The following GAL3ST1 variants were observed in gnomAD, a reference collection of about 807,000 sequenced individuals.
The protein encoded by GAL3ST1 is galactose-3-O-sulfotransferase 1, also known as galactosylceramide sulfotransferase.
Under a neutral mutation model 25.0 loss-of-function variants are expected in GAL3ST1, and 13 were observed. The ratio of observed to expected loss-of-function variants is 0.52; its 90% CI spans 0.34 to 0.83. The LOEUF (loss-of-function observed/expected upper bound fraction) is 0.83. Among genes scored for constraint, GAL3ST1 ranks in the 40% least tolerant of loss-of-function variants. GAL3ST1 has a pLI of 0.02. For synonymous variants in GAL3ST1, 274 were observed against 277.8 expected (o/e 0.99, Z 0.14); for missense variants, 474 against 613.6 (o/e 0.77, Z 2.40).
chr22:30,566,652 T>C (rs1156867474), intron 1 of GAL3ST1, among the ~76,000 whole-genome samples: 2 of 151,896 alleles, frequency 1.3e-5, no homozygotes, highest in Admixed American at 6.6e-5. Flanking sequence ...CTCTGTCGCC[T>C]AGGCTGGAGT....
At chr22:30,566,460 G>A (rs1385096513) in intron 1 of GAL3ST1, among the ~76,000 whole-genome samples, 1 of 152,218 alleles carries the variant, frequency 6.6e-6, no homozygotes, top group African/African-American at 2.4e-5. Flanking sequence ...TGAGAGTGAA[G>A]TGCAGGCTTT....
chr22:30,565,996 A>G (rs73394283), intron 1 of GAL3ST1: 5,882 of 152,332 alleles, frequency 0.039, 166 homozygotes, highest in Admixed American at 0.065. Context: ...GCACTTTCAT[A>G]GGCTAAGCAG....
intron 1 of GAL3ST1, among the ~76,000 whole-genome samples, chr22:30,567,561 G>C (rs2086661101): frequency 6.6e-6 from 1 of 152,142 alleles, no homozygotes; most frequent in Admixed American, 6.5e-5. Flanking sequence ...TTACAGGTGT[G>C]AGCCATGGAG....
chr22:30,574,647 CAGGTG>C lies in GAL3ST1; in HGVS notation c.-306_-302del. ...CTCCCGCGCCGCGCCCGCTCCCGGC[CAGGTG>C]CCGCCGCCAGCCTGGCCCAGCCTCC... On this transcript the variant is annotated 5_prime_UTR_variant, in exon 1 of 4. Transcript: ENST00000406361. The C allele has an allele frequency of 2.0e-5, 3 of 147,342 alleles. No individual in the cohort carries two copies. The highest frequency in any genetic ancestry group is 7.4e-5 in the African/African-American group (3 of 40,686). The allele number at this position is 147,342 out of a possible 1,614,324, so 9.1% of individuals were successfully genotyped here.
Position 30,556,068 on chromosome 22 carries a change from A to G in GAL3ST1, c.157T>C (p.Ser53Pro). Residue 53 changes from serine to proline, a missense_variant, in exon 4 of 4, where the codon TCT becomes CCT. Coordinates refer to ENST00000406361, the MANE Select transcript of GAL3ST1 (RefSeq NM_001318104.2). ...GCCTCTGGCTCGAGTGCAGGTGGAG[A>G]GCAGGACGCTGCGGCCTCCGGGGTC... The part of the protein sequence containing the change: ...STTPEAAASC[S>P]PPALEPEAVI... The G allele has an allele frequency of 6.2e-7, 1 of 1,609,156 alleles. No individual in the cohort carries two copies. The highest frequency in any genetic ancestry group is 1.1e-5 in the South Asian group (1 of 90,990).
intron 1 of GAL3ST1, among the ~76,000 whole-genome samples, chr22:30,559,252 A>AT (rs932677390): frequency 4.6e-5 from 7 of 151,520 alleles, no homozygotes; most frequent in African/African-American, 9.7e-5. Flanking sequence ...TGTTTATTTT[A>AT]TTTTTTTGAG....
rs2085935012 is a variant in GAL3ST1 at position 30,555,311 on chromosome 22, G to A, written c.914C>T (p.Ser305Phe). Residue 305 changes from serine (S) to phenylalanine (F), a missense_variant, in exon 4 of 4, where the codon TCC becomes TTC. Around this residue, in one of 2 missense-constraint regions of GAL3ST1, gnomAD observed 359 missense variants for 504.4 expected, o/e 0.71. Coordinates refer to ENST00000406361, the MANE Select transcript of GAL3ST1 (RefSeq NM_001318104.2). This position sits in a 1 kb window ranked among gnomAD's most constrained non-coding sequence, Gnocchi z 8.6. Reference protein sequence around the residue: ...GRATAWNMLDSHLYRHFNASF... With the variant: ...GRATAWNMLDFHLYRHFNASF... ...GGCGTTGAAGTGGCGGTAGAGGTGG[G>A]AGTCCAGCATGTTCCAGGCGGTGGC... 18 of 1,604,648 alleles carry A rather than the reference G, an allele frequency of 1.1e-5. No homozygotes were observed. The highest frequency in any genetic ancestry group is 1.5e-5 in the Non-Finnish European group (18 of 1,177,130).
chr22:30,571,627 G>T (rs1410542156), intron 1 of GAL3ST1, among the ~76,000 whole-genome samples: 1 of 152,164 alleles, frequency 6.6e-6, no homozygotes, highest in Non-Finnish European at 1.5e-5. Context: ...ACTTTGGGAG[G>T]CCGAGGCGGG....
intron 1 of GAL3ST1, among the ~76,000 whole-genome samples, chr22:30,572,342 C>T (rs114028953): frequency 1.1e-4 from 17 of 152,326 alleles, no homozygotes; most frequent in African/African-American, 4.1e-4. Context: ...CATACACCCA[C>T]CTCTCCATTC....
intron 1 of GAL3ST1, among the ~76,000 whole-genome samples, chr22:30,573,617 G>C (rs2086836565): frequency 6.6e-6 from 1 of 152,334 alleles, no homozygotes; most frequent in Non-Finnish European, 1.5e-5. Context: ...CCCCTCTGGA[G>C]GATTCTCATG....
At chr22:30,564,525 G>A (rs748805066) in intron 1 of GAL3ST1, among the ~76,000 whole-genome samples, 1 of 152,116 alleles carries the variant, frequency 6.6e-6, no homozygotes, top group East Asian at 1.9e-4. Context: ...CAGGATGGAC[G>A]GTCCCCCCGT....
At position 30,555,596 on chromosome 22, in the gene GAL3ST1, T is replaced by C; in HGVS notation, c.629A>G (p.Asn210Ser). 6.2e-7 allele frequency: 1 copy of C among 1,613,550 alleles called. No homozygotes were observed. Among genetic ancestry groups the C allele is most frequent in the East Asian group, 2.2e-5 (1 of 44,872 alleles). ...PDRYYDPNGF[N>S]AHYLRNLLFF... ...GAGCAGGTTTCGGAGGTAGTGGGCA[T>C]TGAAGCCGTTGGGGTCGTAGTAGCG... Residue 210 changes from asparagine to serine, a missense_variant, in exon 4 of 4, where the codon AAT becomes AGT. By Grantham distance (46) the Asn-to-Ser change is conservative. Around this residue, in one of 2 missense-constraint regions of GAL3ST1, gnomAD observed 359 missense variants for 504.4 expected, o/e 0.71. Coordinates refer to ENST00000406361, the MANE Select transcript of GAL3ST1 (RefSeq NM_001318104.2). This position sits in a 1 kb window ranked among gnomAD's most constrained non-coding sequence, Gnocchi z 8.6.
rs112070427 is a variant in GAL3ST1 at position 30,555,895 on chromosome 22, G to C, written c.330C>G (p.Asn110Lys). The change falls in exon 4 of 4, where the codon AAC becomes AAG. Residue 110 changes from asparagine (N) to lysine (K), a missense_variant. By Grantham distance (94) the Asn-to-Lys change is moderately conservative. Transcript: ENST00000406361. The surrounding 1 kb of genome is among the most constrained non-coding windows in gnomAD (Gnocchi z 8.6). ...TCGGGTAGTCGAAGTCATTGCGGCCGTTAGGGAAGGCGAACTTGAGCCGGT... is the reference window on the plus strand; with the variant it reads ...TCGGGTAGTCGAAGTCATTGCGGCCCTTAGGGAAGGCGAACTTGAGCCGGT... ...QKHRLKFAFP[N>K]GRNDFDYPTF... The C allele has an allele frequency of 1.1e-5, 17 of 1,614,070 alleles. No homozygotes were observed. The African/African-American group carries it at 2.3e-4, about 22-fold the overall frequency.
chr22:30,558,742 C>A (rs1198810781), intron 1 of GAL3ST1, among the ~76,000 whole-genome samples: 1 of 152,240 alleles, frequency 6.6e-6, no homozygotes, highest in African/African-American at 2.4e-5. Context: ...CACATACCCA[C>A]CCCCTTTCCA....
intron 1 of GAL3ST1, among the ~76,000 whole-genome samples, chr22:30,573,371 T>C (rs763561084): frequency 4.6e-5 from 7 of 152,168 alleles, no homozygotes; most frequent in African/African-American, 9.7e-5. Context: ...GGACAAGTCA[T>C]TGAATTTCCC....
intron 2 of GAL3ST1, among the ~76,000 whole-genome samples, chr22:30,557,987 C>T (rs2086142299): frequency 6.6e-6 from 1 of 151,628 alleles, no homozygotes; most frequent in South Asian, 2.1e-4. Flanking sequence ...ACAGTTTTGC[C>T]ACGTTGCCTA....
At chr22:30,566,735 G>C (rs1349370067) in intron 1 of GAL3ST1, among the ~76,000 whole-genome samples, 2 of 150,110 alleles carry the variant, frequency 1.3e-5, no homozygotes, top group African/African-American at 2.5e-5. Flanking sequence ...TCAGCCTCCT[G>C]AGTAGCTGGG....
At chr22:30,562,649 T>C (rs1266174753) in intron 1 of GAL3ST1, among the ~76,000 whole-genome samples, 2 of 152,204 alleles carry the variant, frequency 1.3e-5, no homozygotes, top group East Asian at 3.8e-4. Flanking sequence ...GCCTGGCACC[T>C]GGTGAATGTG....
At chr22:30,572,768 T>C (rs2086820289) in intron 1 of GAL3ST1, 1 of 152,224 alleles carries the variant, frequency 6.6e-6, no homozygotes, top group Admixed American at 6.5e-5. Context: ...TGGAGTCGTG[T>C]GGAGCCCCTA....
Sources: gnomAD v4.1 joint callset for allele counts (sites outside exome capture counted in the v4.1 genomes callset) on GRCh38, gnomAD v4.1.1 for gene constraint, gnomAD v4.1.1 regional missense constraint, Gnocchi (gnomAD v3.1) non-coding constraint, MANE v1.5 for transcripts, NCBI Gene and HGNC (gene_info 2026-07-23, HGNC 2026-07-21) for gene names.